Variants in ASPRV1 observed in about 807,000 individuals in gnomAD.
ASPRV1 encodes the protein aspartic peptidase retroviral like 1.
In ASPRV1, 7 loss-of-function variants were observed where a neutral mutation model predicts 11.0. The observed-to-expected ratio is 0.64, with a 90% CI of 0.36 to 1.20. ASPRV1 has a LOEUF of 1.20. ASPRV1 is among the 50% of genes most tolerant of loss of function. The pLI, the probability that ASPRV1 is intolerant of heterozygous loss-of-function variation, is 0.02. For missense variants in ASPRV1, 299 were observed against 320.0 expected, an observed-to-expected ratio of 0.93 and a Z score of 0.50; for synonymous variants, 136 against 138.4, an observed-to-expected ratio of 0.98 and a Z score of 0.12.
chr2:70,008,590 A>G, the ASPRV1 span, among the ~76,000 whole-genome samples: 7 of 151,868 alleles, frequency 4.6e-5, no homozygotes, highest in East Asian at 9.6e-4. Context: ...ATGTGGCCCA[A>G]TGCAAATTTG....
the ASPRV1 span, among the ~76,000 whole-genome samples, chr2:70,012,972 T>C: frequency 6.6e-6 from 1 of 152,356 alleles, no homozygotes; most frequent in East Asian, 1.9e-4. Context: ...AAATTTGAGC[T>C]GTCAAGTGAA....
chr2:70,060,290 G>A, the ASPRV1 span, among the ~76,000 whole-genome samples: 1 of 139,050 alleles, frequency 7.2e-6, no homozygotes, highest in Non-Finnish European at 1.5e-5. Context: ...GCAGTAAGCC[G>A]AGATCACACC....
chr2:69,953,084 T>C, the ASPRV1 span, among the ~76,000 whole-genome samples: 2 of 152,216 alleles, frequency 1.3e-5, no homozygotes, highest in African/African-American at 2.4e-5. Context: ...TTTTCTCCTG[T>C]TTCTCCCAGC....
the ASPRV1 span, among the ~76,000 whole-genome samples, chr2:70,004,838 G>A: frequency 6.6e-6 from 1 of 152,124 alleles, no homozygotes. Context: ...GTGAATTGAT[G>A]TCACTGGTCC....
At chr2:69,946,064 C>T in the ASPRV1 span, among the ~76,000 whole-genome samples, 1 of 152,138 alleles carries the variant, frequency 6.6e-6, no homozygotes, top group African/African-American at 2.4e-5. Context: ...TGGGTGACAC[C>T]TGGAGATAGC....
At chr2:69,988,558 G>C in the ASPRV1 span, 2 of 339,936 alleles carry the variant, frequency 5.9e-6, no homozygotes, top group East Asian at 7.6e-5. Context: ...TTAGTGGGTA[G>C]AGAGTTTCAG....
the ASPRV1 span, chr2:70,049,965 A>T: frequency 6.6e-6 from 1 of 152,236 alleles, no homozygotes; most frequent in African/African-American, 2.4e-5. Context: ...TTAACAAATG[A>T]ATTAGGGACA....
chr2:69,950,289 C>T, the ASPRV1 span, among the ~76,000 whole-genome samples: 5 of 152,202 alleles, frequency 3.3e-5, no homozygotes, highest in African/African-American at 1.2e-4. Context: ...GACACAGCCA[C>T]CCTGCTGCTG....
the ASPRV1 span, among the ~76,000 whole-genome samples, chr2:69,934,307 C>A: frequency 6.4e-3 from 968 of 152,204 alleles, 5 homozygotes; most frequent in Admixed American, 0.014. Context: ...AAGCAAAACC[C>A]CCAAATCTCA....
chr2:70,051,961 C>A, the ASPRV1 span, among the ~76,000 whole-genome samples: 1 of 151,752 alleles, frequency 6.6e-6, no homozygotes, highest in Non-Finnish European at 1.5e-5. Context: ...GGTGACAGAG[C>A]GAGACCCTGT....
chr2:70,034,773 C>G, the ASPRV1 span: 1 of 152,146 alleles, frequency 6.6e-6, no homozygotes, highest in Non-Finnish European at 1.5e-5. Flanking sequence ...TTCCAAAGCA[C>G]TAACATTCCT....
the ASPRV1 span, among the ~76,000 whole-genome samples, chr2:70,041,811 T>G: frequency 6.6e-6 from 1 of 152,212 alleles, no homozygotes; most frequent in Admixed American, 6.5e-5. Flanking sequence ...TACCACTTCC[T>G]GTTTCCATTG....
At chr2:70,050,559 G>A in the ASPRV1 span, 1 of 152,064 alleles carries the variant, frequency 6.6e-6, no homozygotes, top group Non-Finnish European at 1.5e-5. Context: ...AAGCTACATA[G>A]ACAAAGTTGA....
chr2:69,957,263 G>A (rs140955855), downstream of ASPRV1, among the ~76,000 whole-genome samples: 715 of 152,040 alleles, frequency 4.7e-3, 1 homozygote, highest in Non-Finnish European at 6.5e-3. Context: ...TCATATTTGC[G>A]ATTTTCAAAG....
At chr2:69,982,999 A>T in the ASPRV1 span, among the ~76,000 whole-genome samples, 4 of 151,858 alleles carry the variant, frequency 2.6e-5, no homozygotes, top group Non-Finnish European at 4.4e-5. Context: ...GCTCACTGCA[A>T]CCTCCATCTC....
chr2:69,985,586 G>A, the ASPRV1 span, among the ~76,000 whole-genome samples: 1 of 152,188 alleles, frequency 6.6e-6, no homozygotes, highest in African/African-American at 2.4e-5. Flanking sequence ...GCCCTGTTAT[G>A]GGCTCAGCTC....
At chr2:69,963,383 G>A (rs1328358273), upstream of ASPRV1, 1 of 456,662 alleles carries the variant, frequency 2.2e-6, no homozygotes, top group East Asian at 6.9e-5. Context: ...CCTTTCTGCA[G>A]ATGGACTTTT....
At chr2:70,062,973 T>G in the ASPRV1 span, among the ~76,000 whole-genome samples, 1 of 152,132 alleles carries the variant, frequency 6.6e-6, no homozygotes, top group African/African-American at 2.4e-5. Flanking sequence ...TTAGGTTGGT[T>G]TTCCCAGCAT....
the ASPRV1 span, among the ~76,000 whole-genome samples, chr2:69,948,716 TCCGGGGCCA>T: frequency 1.3e-5 from 2 of 152,120 alleles, no homozygotes; most frequent in Non-Finnish European, 2.9e-5. Context: ...CTGCCCTGCC[TCCGGGGCCA>T]CCGGACCCCA....
Sources: gnomAD v4.1 joint callset for allele counts (sites outside exome capture counted in the v4.1 genomes callset) on GRCh38, gnomAD v4.1.1 for gene constraint, MANE v1.5 for transcripts, NCBI Gene and HGNC (gene_info 2026-07-23, HGNC 2026-07-21) for gene names.